The following LIPJ variants were observed in gnomAD, a reference collection of about 807,000 sequenced individuals.
The protein encoded by LIPJ is lipase family member J.
LIPJ carries 33 observed loss-of-function variants against 39.8 expected under a neutral mutation model. The ratio of observed to expected loss-of-function variants is 0.83; its 90% CI spans 0.63 to 1.11. The LOEUF is 1.11. LIPJ is among the 50% of genes least tolerant of loss of function. The pLI is 0.00. For missense variants in LIPJ, 422 were observed against 427.9 expected, an observed-to-expected ratio of 0.99 and a Z score of 0.12; for synonymous variants, 128 against 139.2, an observed-to-expected ratio of 0.92 and a Z score of 0.57.
the LIPJ span, among the ~76,000 whole-genome samples, chr10:88,615,532 G>A: frequency 6.7e-5 from 10 of 150,104 alleles, no homozygotes; most frequent in African/African-American, 2.5e-4. Context: ...GGAGGGTGGG[G>A]CAGGGGAATC....
chr10:88,583,704 T>C (rs925901984), upstream of LIPJ: 1 of 985,864 alleles, frequency 1.0e-6, no homozygotes, highest in Non-Finnish European at 1.2e-6. Context: ...AATAGAAACA[T>C]CTTTTGGAAT....
upstream of LIPJ, chr10:88,582,951 C>A: frequency 8.5e-7 from 1 of 1,172,498 alleles, no homozygotes; most frequent in Non-Finnish European, 1.2e-6. Context: ...CGCTACACGG[C>A]CGCTCAGGGA....
the LIPJ span, among the ~76,000 whole-genome samples, chr10:88,613,196 C>A: frequency 6.6e-6 from 1 of 152,182 alleles, no homozygotes; most frequent in East Asian, 1.9e-4. Flanking sequence ...AGGCATCATT[C>A]CACAAAAAAA....
At chr10:88,612,087 G>C in the LIPJ span, among the ~76,000 whole-genome samples, 1 of 152,160 alleles carries the variant, frequency 6.6e-6, no homozygotes, top group Non-Finnish European at 1.5e-5. Flanking sequence ...AACCCTACAA[G>C]CTAGAAAGGA....
the LIPJ span, among the ~76,000 whole-genome samples, chr10:88,615,445 T>G: frequency 2.0e-5 from 3 of 150,898 alleles, no homozygotes; most frequent in African/African-American, 7.3e-5. Context: ...CCCAGCTACT[T>G]GGGAGGGTGG....
downstream of LIPJ, among the ~76,000 whole-genome samples, chr10:88,611,466 T>G (rs1439018626): frequency 6.6e-6 from 1 of 152,116 alleles, no homozygotes; most frequent in African/African-American, 2.4e-5. Context: ...TTAAGCTAAT[T>G]AAGGAGGAAC....
chr10:88,600,451 C>T (rs931484429), intron 8 of LIPJ, among the ~76,000 whole-genome samples: 4 of 151,920 alleles, frequency 2.6e-5, no homozygotes, highest in African/African-American at 9.7e-5. Context: ...TTTGAGTGTC[C>T]ATTTGACTAT....
chr10:88,592,151 T>C (rs1564931595), intron 4 of LIPJ: 1 of 152,080 alleles, frequency 6.6e-6, no homozygotes, highest in East Asian at 1.9e-4. Flanking sequence ...ACAAATAGAA[T>C]GTTTCTTATA....
At chr10:88,588,049 G>C (rs1010064813) in intron 2 of LIPJ, among the ~76,000 whole-genome samples, 13 of 151,838 alleles carry the variant, frequency 8.6e-5, no homozygotes, top group Non-Finnish European at 1.9e-4. Context: ...AGCTAAATTT[G>C]TATTAGACAC....
chr10:88,588,532 TATTAAGGTAATAAATG>T (rs1488629909), intron 2 of LIPJ, among the ~76,000 whole-genome samples: 5 of 151,898 alleles, frequency 3.3e-5, no homozygotes, highest in Non-Finnish European at 7.4e-5. Context: ...AGTAGCAGTT[TATTAAGGTAATAAATG>T]AGCTTTTCCA....
At chr10:88,610,241 C>G (rs1179726722), downstream of LIPJ, among the ~76,000 whole-genome samples, 2 of 152,084 alleles carry the variant, frequency 1.3e-5, no homozygotes, top group Non-Finnish European at 2.9e-5. Context: ...AAAAGTAAAT[C>G]CTCTCTGGCA....
At chr10:88,618,198 A>C in the LIPJ span, 2 of 152,086 alleles carry the variant, frequency 1.3e-5, no homozygotes, top group Non-Finnish European at 2.9e-5. Flanking sequence ...ATGAGATTAC[A>C]ACAATAATCA....
chr10:88,615,098 T>TA, the LIPJ span, among the ~76,000 whole-genome samples: 1 of 152,120 alleles, frequency 6.6e-6, no homozygotes, highest in East Asian at 1.9e-4. Context: ...TTCAAGAACT[T>TA]AGAGTAAGCA....
intron 2 of LIPJ, among the ~76,000 whole-genome samples, chr10:88,590,125 G>A (rs1851031492): frequency 6.6e-6 from 1 of 151,570 alleles, no homozygotes; most frequent in Admixed American, 6.6e-5. Flanking sequence ...TGTAAAAAAA[G>A]TAAAATGAGT....
the LIPJ span, among the ~76,000 whole-genome samples, chr10:88,613,687 T>G: frequency 6.8e-6 from 1 of 147,928 alleles, no homozygotes; most frequent in African/African-American, 2.5e-5. Context: ...GGAAAAGAAG[T>G]ATGACTGGGG....
At chr10:88,619,209 T>TAAC in the LIPJ span, among the ~76,000 whole-genome samples, 1 of 128,262 alleles carries the variant, frequency 7.8e-6, no homozygotes, top group Admixed American at 7.7e-5. Flanking sequence ...TTGCTACTGC[T>TAAC]AAAAAAAAAA....
chr10:88,603,575 G>A (rs1851566681), intron 9 of LIPJ, among the ~76,000 whole-genome samples: 1 of 152,092 alleles, frequency 6.6e-6, no homozygotes, highest in African/African-American at 2.4e-5. Context: ...TCCTTTCTCT[G>A]GCCCTTAGTG....
upstream of LIPJ, chr10:88,583,693 T>G (rs1022740351): frequency 1.0e-6 from 1 of 986,248 alleles, no homozygotes; most frequent in Non-Finnish European, 1.2e-6. Flanking sequence ...ACTATTAGCA[T>G]AATAGAAACA....
chr10:88,592,190 A>C (rs1006667221), intron 4 of LIPJ: 1 of 151,900 alleles, frequency 6.6e-6, no homozygotes, highest in Non-Finnish European at 1.5e-5. Context: ...AGTTATTTTG[A>C]ACATTAAAGT....
Sources: gnomAD v4.1 joint callset for allele counts (sites outside exome capture counted in the v4.1 genomes callset) on GRCh38, gnomAD v4.1.1 for gene constraint, MANE v1.5 for transcripts, NCBI Gene and HGNC (gene_info 2026-07-23, HGNC 2026-07-21) for gene names.